DAP: variants seen among roughly 807,000 people sequenced by gnomAD.
DAP encodes death associated protein, also known as death-associated protein 1.
In DAP, 8 loss-of-function variants were observed where a neutral mutation model predicts 13.8. That is an observed-to-expected ratio of 0.58 (90% CI 0.34 to 1.05). The LOEUF (loss-of-function observed/expected upper bound fraction) is 1.05, where lower values mean the gene tolerates loss of function less well. DAP is among the 50% of genes least tolerant of loss of function. DAP has a pLI of 0.03. For missense variants in DAP, 106 were observed against 133.2 expected, an observed-to-expected ratio of 0.80 and a Z score of 1.01; for synonymous variants, 47 against 47.5, an observed-to-expected ratio of 0.99 and a Z score of 0.04.
At chr5:10,706,889 T>A (rs1322714387) in intron 2 of DAP, among the ~76,000 whole-genome samples, 1 of 152,178 alleles carries the variant, frequency 6.6e-6, no homozygotes, top group African/African-American at 2.4e-5. Flanking sequence ...ACGGCATGCT[T>A]CAGGTCCATC....
At chr5:10,687,438 CAATATT>C (rs1225316790) in intron 2 of DAP, among the ~76,000 whole-genome samples, 2 of 152,154 alleles carry the variant, frequency 1.3e-5, no homozygotes, top group Non-Finnish European at 2.9e-5. Context: ...GTCAAAATAT[CAATATT>C]AACAGGAGTT....
chr5:10,734,978 C>T (rs1453272809), intron 2 of DAP, among the ~76,000 whole-genome samples: 3 of 152,158 alleles, frequency 2.0e-5, no homozygotes, highest in Non-Finnish European at 2.9e-5. Flanking sequence ...GCCGTGGGGC[C>T]GCCACCCAAA....
At chr5:10,730,646 G>C (rs911342496) in intron 2 of DAP, among the ~76,000 whole-genome samples, 2 of 140,356 alleles carry the variant, frequency 1.4e-5, no homozygotes, top group Admixed American at 7.0e-5. Flanking sequence ...GCCCTGGTAG[G>C]GGGGAATCTT....
Position 10,683,534 on chromosome 5 carries a change from C to T in DAP, c.190G>A (p.Ala64Thr), listed in dbSNP as rs2126633450. 2.5e-6 allele frequency: 4 copies of T among 1,613,746 alleles called. No homozygotes were observed. The highest frequency in any genetic ancestry group is 2.2e-5 in the East Asian group (1 of 44,860). Residue 64 changes from alanine to threonine, a missense_variant, in exon 3 of 4, where the codon GCC (alanine) becomes ACC (threonine). Physicochemically the swap from Ala to Thr is moderately conservative, Grantham distance 58 (BLOSUM62 0). Coordinates refer to ENST00000230895, the MANE Select transcript of DAP (RefSeq NM_004394.3). ...GCAGACACTCCCAGACTTACCCGGG[C>T]GATGACCCCAGAGATGAACACAGTG... ...KPTVFISGVI[A>T]RGDKDFPPAA...
At chr5:10,725,779 T>A (rs1435118292) in intron 2 of DAP, among the ~76,000 whole-genome samples, 1 of 152,218 alleles carries the variant, frequency 6.6e-6, no homozygotes, top group Non-Finnish European at 1.5e-5. Context: ...CTGGAAGTCT[T>A]TGGAGTCACA....
intron 2 of DAP, among the ~76,000 whole-genome samples, chr5:10,688,484 C>T (rs1738213314): frequency 6.6e-6 from 1 of 152,076 alleles, no homozygotes; most frequent in South Asian, 2.1e-4. Flanking sequence ...CACTGTGAAA[C>T]CAAAAAGTTG....
Position 10,759,744 on chromosome 5 carries a change from C to CTTTTTTT in DAP, c.55+1263_55+1269dup, listed in dbSNP as rs1169454640. 4.0e-4 allele frequency among the ~76,000 whole-genome samples: 35 copies of CTTTTTTT among 88,222 alleles called. 1 individual carries two copies. Among genetic ancestry groups the CTTTTTTT allele is most frequent in the Non-Finnish European group, 5.4e-4 (27 of 49,550 alleles). 57.9% of individuals were successfully genotyped at this position (88,222 alleles called of 152,430 possible). A position where few individuals can be genotyped will look rare whatever the true frequency, so the allele number is the denominator to read the frequency against. On this transcript the variant is annotated intron_variant, in intron 1 of 3. Transcript: ENST00000230895. The stretch of plus-strand genomic sequence containing the variant: ...GACAGCAGAGAAGGATAATGGGAAT[C>CTTTTTTT]TTTTTTTTTTTTTTTTTTTTTTTTG...
intron 2 of DAP, among the ~76,000 whole-genome samples, chr5:10,742,118 T>C (rs1365235083): frequency 6.6e-6 from 1 of 150,766 alleles, no homozygotes; most frequent in Non-Finnish European, 1.5e-5. Context: ...TTACCTCCTT[T>C]CTTATACATT....
At chr5:10,686,619 A>T (rs937634865) in intron 2 of DAP, among the ~76,000 whole-genome samples, 3 of 152,180 alleles carry the variant, frequency 2.0e-5, no homozygotes, top group Non-Finnish European at 4.4e-5. Context: ...AAAGGCCCTA[A>T]CTCCCTTCAG....
At chr5:10,715,469 G>T (rs1329908695) in intron 2 of DAP, among the ~76,000 whole-genome samples, 1 of 152,206 alleles carries the variant, frequency 6.6e-6, no homozygotes, top group Non-Finnish European at 1.5e-5. Flanking sequence ...AGCCTGAGCT[G>T]CCGGGGGCTT....
intron 2 of DAP, among the ~76,000 whole-genome samples, chr5:10,731,256 G>A (rs1184210642): frequency 1.4e-5 from 2 of 145,730 alleles, no homozygotes; most frequent in Admixed American, 6.8e-5. Flanking sequence ...TGTACTGAGA[G>A]CCCTGGTGGG....
chr5:10,737,420 AG>A (rs372265848), intron 2 of DAP, among the ~76,000 whole-genome samples: 9 of 152,092 alleles, frequency 5.9e-5, no homozygotes, highest in Admixed American at 2.0e-4. Context: ...GCCGGTGCTC[AG>A]CATCCCTGGT....
chr5:10,686,679 A>C (rs1367094478), intron 2 of DAP, among the ~76,000 whole-genome samples: 2 of 152,184 alleles, frequency 1.3e-5, no homozygotes, highest in Non-Finnish European at 2.9e-5. Flanking sequence ...AAAGATGGAA[A>C]CTAGCAGAGG....
At chr5:10,694,387 T>C (rs1738382118) in intron 2 of DAP, among the ~76,000 whole-genome samples, 1 of 149,166 alleles carries the variant, frequency 6.7e-6, no homozygotes. Flanking sequence ...TATATGTGCA[T>C]ACACACACAC....
In DAP at chr5:10,680,537, C is replaced by T. The variant is rs1254475551; in HGVS notation, c.*519G>A. On this transcript the variant is annotated 3_prime_UTR_variant, in exon 4 of 4. Coordinates refer to ENST00000230895, the MANE Select transcript of DAP (RefSeq NM_004394.3). ...AGCCTGCACAGGATCCCCCATCTCA[C>T]GAGAGAGGGAAATTTGGCATTGCTG... is the stretch of plus-strand genomic sequence containing the variant. 1.5e-5 allele frequency: 9 copies of T among 614,782 alleles called. No individual in the cohort carries two copies. The highest frequency in any genetic ancestry group is 6.0e-5 in the Admixed American group (2 of 33,594). The allele number at this position is 614,782 out of a possible 1,614,324, so 38.1% of individuals were successfully genotyped here. A position where few individuals can be genotyped will look rare whatever the true frequency, so the allele number is the denominator to read the frequency against.
In DAP at chr5:10,680,379, C is replaced by T. The variant is rs3733765; in HGVS notation, c.*677G>A. 3.3e-3 allele frequency: 961 copies of T among 294,530 alleles called. 9 individuals carry two copies. The highest frequency in any genetic ancestry group is 0.021 in the South Asian group (469 of 22,564). 18.2% of individuals were successfully genotyped at this position (294,530 alleles called of 1,614,324 possible). ...TGAGGCGATGCTGGGCTTGCCGTGCCGAGATCTCATGCCAGAAGTCCTCCC... is the reference window on the plus strand; with the variant it reads ...TGAGGCGATGCTGGGCTTGCCGTGCTGAGATCTCATGCCAGAAGTCCTCCC... On this transcript the variant is annotated 3_prime_UTR_variant, in exon 4 of 4. Transcript: ENST00000230895.
At chr5:10,708,886 C>T (rs1738771738) in intron 2 of DAP, among the ~76,000 whole-genome samples, 1 of 152,188 alleles carries the variant, frequency 6.6e-6, no homozygotes, top group Non-Finnish European at 1.5e-5. Flanking sequence ...AGAGTAAAAC[C>T]TTATTTCGTT....
chr5:10,750,520 G>A (rs1740021951), intron 1 of DAP, among the ~76,000 whole-genome samples: 1 of 152,194 alleles, frequency 6.6e-6, no homozygotes, highest in South Asian at 2.1e-4. Context: ...TGGGGCAGAA[G>A]GAAACAGAAT....
At chr5:10,732,411 T>C (rs1739488593) in intron 2 of DAP, among the ~76,000 whole-genome samples, 1 of 152,234 alleles carries the variant, frequency 6.6e-6, no homozygotes, top group Non-Finnish European at 1.5e-5. Context: ...TGCATTTGCT[T>C]ATTCTGGATA....
Sources: allele counts gnomAD v4.1 joint callset (sites outside exome capture counted in the v4.1 genomes callset), GRCh38; gene constraint gnomAD v4.1.1; transcripts MANE v1.5; gene names NCBI Gene and HGNC (gene_info 2026-07-23, HGNC 2026-07-21).